The following RABGAP1L variants were observed in gnomAD, a reference collection of about 807,000 sequenced individuals.
RABGAP1L encodes the protein RAB GTPase activating protein 1 like, also known as rab GTPase-activating protein 1-like.
In RABGAP1L, 63 loss-of-function variants were observed where a neutral mutation model predicts 137.7. The observed-to-expected ratio is 0.46, with a 90% confidence interval of 0.37 to 0.56. The LOEUF is 0.56. RABGAP1L is among the 20% of genes least tolerant of loss of function. The pLI is 0.00. For synonymous variants in RABGAP1L, 431 were observed against 433.7 expected (o/e 0.99, Z 0.08); for missense variants, 1,095 against 1,244.0 (o/e 0.88, Z 1.80).
intron 12 of RABGAP1L, among the ~76,000 whole-genome samples, chr1:174,376,988 A>G (rs115908908): frequency 0.022 from 3,403 of 152,308 alleles, 59 homozygotes; most frequent in Middle Eastern, 0.088. Context: ...AAACTCCTAG[A>G]TCTAATAAAT....
chr1:174,726,597 C>T (rs1394259900), intron 17 of RABGAP1L, among the ~76,000 whole-genome samples: 2 of 152,022 alleles, frequency 1.3e-5, no homozygotes, highest in East Asian at 3.9e-4. Flanking sequence ...TTTAATTTAT[C>T]TATTACTATT....
At chr1:174,730,690 G>A (rs1383443831) in intron 17 of RABGAP1L, among the ~76,000 whole-genome samples, 2 of 152,162 alleles carry the variant, frequency 1.3e-5, no homozygotes, top group African/African-American at 4.8e-5. Context: ...TCTATCCACA[G>A]TATTCTCTGA....
intron 14 of RABGAP1L, among the ~76,000 whole-genome samples, chr1:174,640,979 A>AT (rs1240723610): frequency 1.2e-5 from 1 of 81,444 alleles, no homozygotes; most frequent in Non-Finnish European, 2.2e-5. Context: ...TATATTAATT[A>AT]AATATAATTT....
chr1:174,946,980 G>GTGTGTGTGTGTGTGTGTATA (rs770439099), intron 19 of RABGAP1L, among the ~76,000 whole-genome samples: 1 of 78,246 alleles, frequency 1.3e-5, no homozygotes, highest in African/African-American at 5.4e-5. Flanking sequence ...GTGTGTGTGT[G>GTGTGTGTGTGTGTGTGTATA]TATATATATG....
rs2148703387 is a variant in RABGAP1L at position 174,761,480 on chromosome 1, C to T, written c.2211+9126C>T. The stretch of plus-strand genomic sequence containing the variant: ...GCCAGGCAGAGGTGCTCCTCACTTC[C>T]CAGACAATGCAGGGGCCGGGGAGAG... On this transcript the variant is annotated intron_variant, in intron 18 of 25. Coordinates refer to ENST00000681986, the MANE Select transcript of RABGAP1L (RefSeq NM_001366446.1). This position sits in a 1 kb window ranked among gnomAD's most constrained non-coding sequence, Gnocchi z 4.0. Among the ~76,000 whole-genome samples, 1 of 152,114 alleles carries T rather than the reference C, an allele frequency of 6.6e-6. No individual in the cohort carries two copies. The highest frequency in any genetic ancestry group is 1.9e-4 in the East Asian group (1 of 5,158).
chr1:174,932,267 A>G (rs942495930), intron 19 of RABGAP1L, among the ~76,000 whole-genome samples: 1 of 150,748 alleles, frequency 6.6e-6, no homozygotes, highest in African/African-American at 2.4e-5. Flanking sequence ...TTTTTTTTTA[A>G]AAGAAGAATG....
chr1:174,399,987 A>G (rs1265971762), intron 13 of RABGAP1L, among the ~76,000 whole-genome samples: 2 of 152,166 alleles, frequency 1.3e-5, no homozygotes, highest in African/African-American at 4.8e-5. Flanking sequence ...GGCTTCCATG[A>G]AAAAGTAGTC....
At chr1:174,349,725 G>C (rs1241807867) in intron 11 of RABGAP1L, among the ~76,000 whole-genome samples, 2 of 138,070 alleles carry the variant, frequency 1.4e-5, no homozygotes, top group Non-Finnish European at 3.2e-5. Flanking sequence ...GGCTGGCCGG[G>C]CGGGGGGCTG....
chr1:174,645,243 T>C (rs1005715182), intron 14 of RABGAP1L, among the ~76,000 whole-genome samples: 3 of 152,118 alleles, frequency 2.0e-5, no homozygotes, highest in Middle Eastern at 3.2e-3. Flanking sequence ...ATTATATATA[T>C]CTTTTCAATT....
intron 13 of RABGAP1L, among the ~76,000 whole-genome samples, chr1:174,424,148 A>G (rs1328666388): frequency 6.6e-6 from 1 of 152,114 alleles, no homozygotes; most frequent in Non-Finnish European, 1.5e-5. Context: ...TGGCCTACCT[A>G]GCATATAGGA....
intron 13 of RABGAP1L, among the ~76,000 whole-genome samples, chr1:174,547,525 G>A (rs1007327508): frequency 6.6e-6 from 1 of 152,160 alleles, no homozygotes; most frequent in Non-Finnish European, 1.5e-5. Flanking sequence ...GCTGAGGTGG[G>A]AAAATCACCT....
intron 12 of RABGAP1L, among the ~76,000 whole-genome samples, chr1:174,390,481 T>C (rs1208058213): frequency 6.6e-6 from 1 of 152,206 alleles, no homozygotes. Context: ...TAAATCATTA[T>C]GTTATTATAT....
intron 13 of RABGAP1L, among the ~76,000 whole-genome samples, chr1:174,465,382 T>C (rs1657176792): frequency 6.6e-6 from 1 of 151,770 alleles, no homozygotes; most frequent in Admixed American, 6.6e-5. Context: ...GTACTTTTAG[T>C]AGGCTCTGGG....
intron 17 of RABGAP1L, among the ~76,000 whole-genome samples, chr1:174,714,020 A>G (rs1680800534): frequency 6.6e-6 from 1 of 152,114 alleles, no homozygotes; most frequent in Admixed American, 6.6e-5. Context: ...ACATTGTTTC[A>G]TTTGGCCTGC....
intron 19 of RABGAP1L, among the ~76,000 whole-genome samples, chr1:174,926,524 G>T (rs1031370298): frequency 6.6e-6 from 1 of 151,290 alleles, no homozygotes; most frequent in Admixed American, 6.6e-5. Context: ...GAATGAATGG[G>T]CTCTGTTTTT....
intron 19 of RABGAP1L, among the ~76,000 whole-genome samples, chr1:174,833,858 G>C (rs1692444304): frequency 6.6e-6 from 1 of 152,120 alleles, no homozygotes; most frequent in Admixed American, 6.5e-5. Flanking sequence ...ATAGTAGGAA[G>C]CTAACTTAGA....
chr1:174,579,535 A>G (rs1381803537), intron 13 of RABGAP1L, among the ~76,000 whole-genome samples: 4 of 152,226 alleles, frequency 2.6e-5, no homozygotes, highest in Admixed American at 6.5e-5. Context: ...TAGATTCTGT[A>G]ATTCCACAAA....
chr1:174,485,191 G>A (rs1024637375), intron 13 of RABGAP1L, among the ~76,000 whole-genome samples: 3 of 152,018 alleles, frequency 2.0e-5, no homozygotes, highest in Non-Finnish European at 4.4e-5. Flanking sequence ...TGTTGATTTT[G>A]TGTGCTACAA....
At chr1:174,550,908 A>ACACAC (rs1334570419) in intron 13 of RABGAP1L, among the ~76,000 whole-genome samples, 19 of 48,610 alleles carry the variant, frequency 3.9e-4, no homozygotes, top group African/African-American at 2.2e-3. Flanking sequence ...ACACACACAT[A>ACACAC]TACACACACA....
Sources: gnomAD v4.1 joint callset for allele counts (sites outside exome capture counted in the v4.1 genomes callset) on GRCh38, gnomAD v4.1.1 for gene constraint, Gnocchi (gnomAD v3.1) non-coding constraint, MANE v1.5 for transcripts, NCBI Gene and HGNC (gene_info 2026-07-23, HGNC 2026-07-21) for gene names.